Variants in PLA2G15 observed in about 807,000 individuals in gnomAD.
PLA2G15 encodes lysosomal phospholipase A and acyltransferase.
In PLA2G15, 20 loss-of-function variants were observed where a neutral mutation model predicts 40.9. That is an observed-to-expected ratio of 0.49 (90% CI 0.34 to 0.71). PLA2G15 has a LOEUF of 0.71. PLA2G15 is among the 30% of genes least tolerant of loss of function. PLA2G15 has a pLI of 0.01. For missense variants in PLA2G15, 471 were observed against 541.9 expected (o/e 0.87, Z 1.30); for synonymous variants, 223 against 228.2 (o/e 0.98, Z 0.21).
At chr16:68,249,752 C>T (rs551681323) in intron 2 of PLA2G15, among the ~76,000 whole-genome samples, 1 of 152,278 alleles carries the variant, frequency 6.6e-6, no homozygotes, top group African/African-American at 2.4e-5. Flanking sequence ...CATCTCAGCT[C>T]ACTGCAACCT....
chr16:68,254,998 T>C lies in PLA2G15; in HGVS notation c.364T>C (p.Phe122Leu). 2 of 1,613,832 alleles carry C rather than the reference T, an allele frequency of 1.2e-6. No homozygotes were observed. The highest frequency in any genetic ancestry group is 1.7e-6 in the Non-Finnish European group (2 of 1,179,776). ...ACGTGTCCCTGGCTTTGGGAAGACC[T>C]TCTCACTGGAGTTCCTGGACCCCAG... ...DVRVPGFGKT[F>L]SLEFLDPSKS... Residue 122 changes from phenylalanine to leucine, a missense_variant, in exon 3 of 6, where the codon TTC (phenylalanine) becomes CTC (leucine). Physicochemically the swap from Phe to Leu is conservative, Grantham distance 22. Transcript: ENST00000219345.
chr16:68,258,065 A>G (rs1017390323), intron 5 of PLA2G15, among the ~76,000 whole-genome samples: 2 of 152,194 alleles, frequency 1.3e-5, no homozygotes, highest in Non-Finnish European at 2.9e-5. Flanking sequence ...ATGGGTGACC[A>G]TGGATCCTGA....
intron 1 of PLA2G15, 49 bp downstream of exon 1, chr16:68,245,602 G>A (rs955375445): frequency 6.5e-7 from 1 of 1,536,600 alleles, no homozygotes; most frequent in Non-Finnish European, 8.7e-7. Context: ...GGGACGGGCC[G>A]CGGGCGGGGC....
chr16:68,256,584 T>A (rs2042403676), intron 5 of PLA2G15, among the ~76,000 whole-genome samples: 1 of 152,072 alleles, frequency 6.6e-6, no homozygotes, highest in Non-Finnish European at 1.5e-5. Flanking sequence ...TGCAATCTTG[T>A]CTCACTGCAA....
chr16:68,255,481 C>A lies in PLA2G15; in HGVS notation c.502+101C>A. On this transcript the variant is annotated intron_variant, in intron 4 of 5. Coordinates refer to ENST00000219345, the MANE Select transcript of PLA2G15 (RefSeq NM_012320.4). This position sits in a 1 kb window ranked among gnomAD's most constrained non-coding sequence, Gnocchi z 5.9. ...GGGCTCTCCCCTTGTCCTTGGCTGT[C>A]TCCTGTCCCTGGGCCTCTGGCATCC... The A allele has an allele frequency of 1.3e-6, 1 of 785,014 alleles. No individual in the cohort carries two copies. Among genetic ancestry groups the A allele is most frequent in the South Asian group, 1.8e-5 (1 of 55,362 alleles). 48.6% of individuals were successfully genotyped at this position (785,014 alleles called of 1,614,324 possible).
rs1429192588 is a variant in PLA2G15 at position 68,259,645 on chromosome 16, C to T, written c.1227C>T (p.Leu409=). The change falls in exon 6 of 6, where the codon CTC becomes CTT. Residue 409 remains leucine, a synonymous_variant. Transcript: ENST00000219345. The surrounding 1 kb of genome is among the most constrained non-coding windows in gnomAD (Gnocchi z 6.5). ...ATTLAYLKRV[L]LGP is the part of the protein sequence containing the mutation. ...CCCTGGCCTATCTGAAACGTGTGCT[C>T]CTTGGGCCCTGACTCCTGTGCCACA... 2 of 1,611,030 alleles carry T rather than the reference C, an allele frequency of 1.2e-6. No individual in the cohort carries two copies. The highest frequency in any genetic ancestry group is 4.5e-5 in the East Asian group (2 of 44,808).
At chr16:68,248,082 C>G (rs371377933) in intron 1 of PLA2G15, among the ~76,000 whole-genome samples, 2 of 152,200 alleles carry the variant, frequency 1.3e-5, no homozygotes, top group East Asian at 1.9e-4. Context: ...AATACGGGCT[C>G]CCAGCCATGC....
chr16:68,259,793 A>T lies in PLA2G15; in HGVS notation c.*136A>T. The stretch of plus-strand genomic sequence containing the variant: ...AGTCTTGGACTGTGAAGCATCTGCC[A>T]TGGGGAAGTGCTGTTTGTTATCCTT... On this transcript the variant is annotated 3_prime_UTR_variant, in exon 6 of 6. Transcript: ENST00000219345. This position sits in a 1 kb window ranked among gnomAD's most constrained non-coding sequence, Gnocchi z 6.5. 4 of 734,468 alleles carry T rather than the reference A, an allele frequency of 5.4e-6. No individual in the cohort carries two copies. The South Asian group carries it at 5.5e-5, about 10-fold the overall frequency. The allele number at this position is 734,468 out of a possible 1,614,324, so 45.5% of individuals were successfully genotyped here.
In PLA2G15 at chr16:68,259,087, A is replaced by C; in HGVS notation, c.728-59A>C. 2.7e-6 allele frequency: 4 copies of C among 1,502,914 alleles called. No homozygotes were observed. The highest frequency in any genetic ancestry group is 3.6e-6 in the Non-Finnish European group (4 of 1,108,092). The allele number at this position is 1,502,914 out of a possible 1,614,324, so 93.1% of individuals were successfully genotyped here. A position where few individuals can be genotyped will look rare whatever the true frequency, so the allele number is the denominator to read the frequency against. ...GTCTGGCAGGGGCCTGGTGGTGAAC[A>C]TGCTGCCCAACCAGCTGGCATTCCT... On this transcript the variant is annotated intron_variant, in intron 5 of 5. Coordinates refer to ENST00000219345, the MANE Select transcript of PLA2G15 (RefSeq NM_012320.4). This position sits in a 1 kb window ranked among gnomAD's most constrained non-coding sequence, Gnocchi z 6.5.
At chr16:68,249,003 GC>G (rs2042332678) in intron 1 of PLA2G15, among the ~76,000 whole-genome samples, 1 of 152,142 alleles carries the variant, frequency 6.6e-6, no homozygotes, top group Non-Finnish European at 1.5e-5. Context: ...CAATGTTAGG[GC>G]CCTTCCCCAA....
chr16:68,259,579 G>A lies in PLA2G15; in HGVS notation c.1161G>A (p.Leu387=), dbSNP rs2042428619. Residue 387 remains leucine (L), a synonymous_variant, in exon 6 of 6, where the codon CTG becomes CTA. Coordinates refer to ENST00000219345, the MANE Select transcript of PLA2G15 (RefSeq NM_012320.4). The surrounding 1 kb of genome is among the most constrained non-coding windows in gnomAD (Gnocchi z 6.5). The part of the protein sequence containing the change: ...RQEHQVLLQE[L]PGSEHIEMLA... ...AGCACCAAGTGTTGCTGCAGGAGCT[G>A]CCAGGCAGCGAGCACATCGAGATGC... 1 of 1,613,252 alleles carries A rather than the reference G, an allele frequency of 6.2e-7. No individual in the cohort carries two copies. The highest frequency in any genetic ancestry group is 1.7e-5 in the Admixed American group (1 of 60,018).
At position 68,245,467 on chromosome 16, in the gene PLA2G15, C is replaced by T; in HGVS notation, c.41C>T (p.Pro14Leu). ...CGCCCCTACCGTGTGGGGCTGCTCC[C>T]GGATGGCCTCCTGTTCCTCTTGCTG... ...HLRPYRVGLLPDGLLFLLLLL... is the reference protein window; with the variant it reads ...HLRPYRVGLLLDGLLFLLLLL... Residue 14 changes from proline to leucine, a missense_variant, in exon 1 of 6, where the codon CCG becomes CTG. Pro to Leu is a moderately conservative substitution (Grantham distance 98). Coordinates refer to ENST00000219345, the MANE Select transcript of PLA2G15 (RefSeq NM_012320.4). 6.2e-7 allele frequency: 1 copy of T among 1,606,532 alleles called. No individual in the cohort carries two copies. The highest frequency in any genetic ancestry group is 8.5e-7 in the Non-Finnish European group (1 of 1,179,706).
chr16:68,246,353 G>A (rs1645425780), intron 1 of PLA2G15, among the ~76,000 whole-genome samples: 1 of 152,216 alleles, frequency 6.6e-6, no homozygotes, highest in Admixed American at 6.5e-5. Context: ...GCCTCATTGA[G>A]GCCGTCACTC....
intron 2 of PLA2G15, chr16:68,252,416 G>C (rs2042362298): frequency 5.7e-6 from 2 of 348,886 alleles, no homozygotes; most frequent in African/African-American, 4.3e-5. Context: ...GCCAGAGCAA[G>C]GTTCCCAGCC....
At chr16:68,251,717 G>A (rs530566878) in intron 2 of PLA2G15, among the ~76,000 whole-genome samples, 1 of 152,084 alleles carries the variant, frequency 6.6e-6, no homozygotes, top group East Asian at 1.9e-4. Context: ...AAAATGAGCC[G>A]GGCGTGGTGG....
chr16:68,256,658 C>T (rs2042404414), intron 5 of PLA2G15, among the ~76,000 whole-genome samples: 1 of 151,722 alleles, frequency 6.6e-6, no homozygotes, highest in Non-Finnish European at 1.5e-5. Flanking sequence ...TTACAGGTGC[C>T]CGCCACCATG....
Position 68,259,387 on chromosome 16 carries a change from A to G in PLA2G15, c.969A>G (p.Pro323=). Residue 323 remains proline (P), a synonymous_variant, in exon 6 of 6, where the codon CCA becomes CCG. Transcript: ENST00000219345. The surrounding 1 kb of genome is among the most constrained non-coding windows in gnomAD (Gnocchi z 6.5). ...AAGGGCTGGTGGAAGCCACGATGCCACCTGGCGTGCAGCTGCACTGCCTCT... is the reference window on the plus strand; with the variant it reads ...AAGGGCTGGTGGAAGCCACGATGCCGCCTGGCGTGCAGCTGCACTGCCTCT... ...DTEGLVEATM[P]PGVQLHCLYG... The G allele has an allele frequency of 6.2e-7, 1 of 1,614,000 alleles. No homozygotes were observed. Among genetic ancestry groups the G allele is most frequent in the Non-Finnish European group, 8.5e-7 (1 of 1,180,042 alleles).
At chr16:68,246,036 G>C (rs533750346) in intron 1 of PLA2G15, among the ~76,000 whole-genome samples, 23 of 152,304 alleles carry the variant, frequency 1.5e-4, no homozygotes, top group African/African-American at 4.6e-4. Context: ...AAGGATTGCT[G>C]TCCTAGCTGG....
chr16:68,245,515 C>T lies in PLA2G15; in HGVS notation c.89C>T (p.Pro30Leu). ...LLLLLMLLAD[P>L]ALPAGRHPPV... Reference sequence around the variant, plus strand: ...CTGCTGCTAATGCTGCTCGCGGACCCAGCGCTCCCGGCCGGACGTCACCCC... The same window carrying T: ...CTGCTGCTAATGCTGCTCGCGGACCTAGCGCTCCCGGCCGGACGTCACCCC... Residue 30 changes from proline (P) to leucine (L), a missense_variant, in exon 1 of 6, where the codon CCA (proline) becomes CTA (leucine). Physicochemically the swap from Pro to Leu is moderately conservative, Grantham distance 98. Coordinates refer to ENST00000219345, the MANE Select transcript of PLA2G15 (RefSeq NM_012320.4). The T allele has an allele frequency of 6.3e-7, 1 of 1,599,602 alleles. No homozygotes were observed. Among genetic ancestry groups the T allele is most frequent in the Non-Finnish European group, 8.5e-7 (1 of 1,177,188 alleles).
Sources: gnomAD v4.1 joint callset for allele counts (sites outside exome capture counted in the v4.1 genomes callset) on GRCh38, gnomAD v4.1.1 for gene constraint, Gnocchi (gnomAD v3.1) non-coding constraint, MANE v1.5 for transcripts, NCBI Gene and HGNC (gene_info 2026-07-23, HGNC 2026-07-21) for gene names.